The following ZFYVE26 variants were observed in gnomAD, a reference collection of about 807,000 sequenced individuals.
ZFYVE26 encodes the protein zinc finger FYVE-type containing 26.
In ZFYVE26, 181 loss-of-function variants were observed where a neutral mutation model predicts 276.5. The observed-to-expected ratio is 0.65, with a 90% CI of 0.58 to 0.74. The LOEUF (loss-of-function observed/expected upper bound fraction) is 0.74. Ranked by LOEUF, ZFYVE26 falls within the 30% of genes least tolerant of loss-of-function variation. ZFYVE26 has a pLI of 0.00. For synonymous variants in ZFYVE26, 1,129 were observed against 1,203.1 expected (o/e 0.94, Z 1.27); for missense variants, 2,821 against 3,097.9 (o/e 0.91, Z 2.12).
At chr14:67,734,705 A>G (rs1015307517) in intron 13 of ZFYVE26, among the ~76,000 whole-genome samples, 9 of 152,298 alleles carry the variant, frequency 5.9e-5, no homozygotes, top group African/African-American at 2.2e-4. Context: ...AGAATCTGGC[A>G]CCCAAAAGGA....
chr14:67,773,995 G>T (rs1482803186), intron 27 of ZFYVE26, among the ~76,000 whole-genome samples: 1 of 152,140 alleles, frequency 6.6e-6, no homozygotes, highest in African/African-American at 2.4e-5. Context: ...CTTGTGCTTT[G>T]TGTGTGACAG....
chr14:67,762,333 G>T lies in ZFYVE26; in HGVS notation c.6239C>A (p.Thr2080Asn). The T allele has an allele frequency of 6.2e-7, 1 of 1,614,226 alleles. No individual in the cohort carries two copies. The highest frequency in any genetic ancestry group is 8.5e-7 in the Non-Finnish European group (1 of 1,180,044). ...GMACLKAGNLTAAREKFSRCL... is the reference protein window; with the variant it reads ...GMACLKAGNLNAAREKFSRCL... ...GCGACTGAACTTCTCCCGTGCAGCA[G>T]TGAGGTTCCCGGCTTTGAGGCAGGC... The change falls in exon 34 of 42, where the codon ACT becomes AAT. Residue 2080 changes from threonine (T) to asparagine (N), a missense_variant. Thr to Asn is a moderately conservative substitution (Grantham distance 65). Transcript: ENST00000347230.
intron 34 of ZFYVE26, 46 bp from the exon 35 acceptor site, chr14:67,761,630 C>A: frequency 6.5e-7 from 1 of 1,546,178 alleles, no homozygotes; most frequent in Non-Finnish European, 8.9e-7. Context: ...TCAAAAAGTT[C>A]TCAGCAGGCA....
chr14:67,786,852 C>A (rs910708578), intron 16 of ZFYVE26, among the ~76,000 whole-genome samples: 5 of 152,148 alleles, frequency 3.3e-5, no homozygotes, highest in African/African-American at 1.2e-4. Context: ...GAGTACTATA[C>A]AGTTATGGAA....
intron 3 of ZFYVE26, among the ~76,000 whole-genome samples, chr14:67,810,334 C>G (rs193026321): frequency 6.6e-6 from 1 of 152,268 alleles, no homozygotes; most frequent in East Asian, 1.9e-4. Context: ...TTGTCATTCA[C>G]TATCCTTTGC....
At chr14:67,733,341 G>C (rs1396824520) in intron 13 of ZFYVE26, among the ~76,000 whole-genome samples, 1 of 152,166 alleles carries the variant, frequency 6.6e-6, no homozygotes, top group Admixed American at 6.5e-5. Flanking sequence ...CTCCAACTGA[G>C]ATTTGGCATT....
chr14:67,772,227 G>C lies in ZFYVE26; in HGVS notation c.5321-17C>G. The C allele has an allele frequency of 1.2e-6, 2 of 1,611,138 alleles. No homozygotes were observed. The highest frequency in any genetic ancestry group is 1.7e-6 in the Non-Finnish European group (2 of 1,178,854). On this transcript the variant is annotated splice_polypyrimidine_tract_variant and intron_variant, in intron 27 of 41. Transcript: ENST00000347230. ...TGGAGATACCTGGGAGGCAGAGCCAGAGGTCAGAGTAAAAGGTAATCAATA... is the reference window on the plus strand; with the variant it reads ...TGGAGATACCTGGGAGGCAGAGCCACAGGTCAGAGTAAAAGGTAATCAATA...
chr14:67,747,075 A>G lies in ZFYVE26; in HGVS notation c.*1361T>C, dbSNP rs1044126. 0.43 allele frequency: 66,162 copies of G among 152,528 alleles called. 17,096 individuals carry two copies. Among genetic ancestry groups the G allele is most frequent in the Non-Finnish European group, 0.6 (40,538 of 67,972 alleles). The allele number at this position is 152,528 out of a possible 1,614,324, so 9.4% of individuals were successfully genotyped here. ...GCTTCCAGTTTCTGTTTGTCTCAGC[A>G]TCATGGATGGGACCAATAGGCTGAG... On this transcript the variant is annotated 3_prime_UTR_variant, in exon 42 of 42. Transcript: ENST00000347230.
intron 12 of ZFYVE26, chr14:67,797,386 C>A: frequency 2.2e-6 from 1 of 451,870 alleles, no homozygotes; most frequent in Admixed American, 3.4e-5. Flanking sequence ...TAGTATAATA[C>A]ATCTGTATAT....
Position 67,805,509 on chromosome 14 carries a change from T to C in ZFYVE26, c.1127A>G (p.His376Arg), listed in dbSNP as rs370710980. The C allele has an allele frequency of 1.2e-6, 2 of 1,614,032 alleles. No individual in the cohort carries two copies. Among genetic ancestry groups the C allele is most frequent in the Non-Finnish European group, 1.7e-6 (2 of 1,180,030 alleles). ...SCLLVLLGWTHCQSLESAKRL... is the reference protein window; with the variant it reads ...SCLLVLLGWTRCQSLESAKRL... ...CTTGGCTGACTCTAGGCTCTGGCAG[T>C]GTGTCCAGCCCAGGAGTACAAGCAG... The change falls in exon 7 of 42, where the codon CAC becomes CGC. Residue 376 changes from histidine to arginine, a missense_variant. Physicochemically the swap from His to Arg is conservative, Grantham distance 29. Coordinates refer to ENST00000347230, the MANE Select transcript of ZFYVE26 (RefSeq NM_015346.4).
chr14:67,784,445 G>A lies in ZFYVE26; in HGVS notation c.3524-9C>T, dbSNP rs1339739644. 6.2e-7 allele frequency: 1 copy of A among 1,611,080 alleles called. No homozygotes were observed. Among genetic ancestry groups the A allele is most frequent in the Non-Finnish European group, 8.5e-7 (1 of 1,177,352 alleles). On this transcript the variant is annotated splice_polypyrimidine_tract_variant and intron_variant, in intron 19 of 41. Transcript: ENST00000347230. ...CTTGACCTCCACATGATCTGCAAAG[G>A]TAAAGAACATGATCTTTGTTTGCAC...
At chr14:67,792,428 T>C (rs1358041988) in intron 14 of ZFYVE26, among the ~76,000 whole-genome samples, 1 of 152,192 alleles carries the variant, frequency 6.6e-6, no homozygotes, top group Non-Finnish European at 1.5e-5. Flanking sequence ...GGCTAGAACA[T>C]AATCCTCTTA....
downstream of ZFYVE26, among the ~76,000 whole-genome samples, chr14:67,742,838 CTTTTTTTTT>C (rs71446342): frequency 1.1e-5 from 1 of 89,768 alleles, no homozygotes; most frequent in African/African-American, 5.6e-5. Flanking sequence ...TCTTCTTCTT[CTTTTTTTTT>C]TTTTTTTTTT....
chr14:67,732,112 A>AG (rs1202445767), intron 13 of ZFYVE26, among the ~76,000 whole-genome samples: 2 of 133,614 alleles, frequency 1.5e-5, no homozygotes, highest in Non-Finnish European at 1.6e-5. Flanking sequence ...GGGCGACAGA[A>AG]TGAGACTCTG....
chr14:67,805,745 T>C, intron 6 of ZFYVE26, 127 bp from the exon 7 acceptor site: 3 of 1,176,574 alleles, frequency 2.5e-6, no homozygotes, highest in South Asian at 2.6e-5. Flanking sequence ...ACAGGAGTGG[T>C]TGGCTGGGCG....
At chr14:67,734,760 G>C (rs1276874849) in intron 13 of ZFYVE26, among the ~76,000 whole-genome samples, 2 of 152,194 alleles carry the variant, frequency 1.3e-5, no homozygotes, top group African/African-American at 4.8e-5. Context: ...GGAAATTTGA[G>C]TGCTGACGGA....
chr14:67,750,437 G>A (rs1472261260), intron 41 of ZFYVE26: 1 of 157,428 alleles, frequency 6.4e-6, no homozygotes, highest in South Asian at 1.9e-4. Flanking sequence ...CCTTCCTGCA[G>A]ATGGCAGAAG....
intron 21 of ZFYVE26, 34 bp from the exon 22 acceptor site, chr14:67,781,563 G>C: frequency 6.2e-7 from 1 of 1,606,410 alleles, no homozygotes; most frequent in Admixed American, 1.7e-5. Flanking sequence ...GAGGCAGCAA[G>C]CGTGGGACCA....
At chr14:67,742,720 T>G (rs2140170857), downstream of ZFYVE26, among the ~76,000 whole-genome samples, 1 of 152,164 alleles carries the variant, frequency 6.6e-6, no homozygotes, top group South Asian at 2.1e-4. Context: ...CATAGCTTGA[T>G]GCATGGCAGG....
Sources: gnomAD v4.1 joint callset for allele counts (sites outside exome capture counted in the v4.1 genomes callset) on GRCh38, gnomAD v4.1.1 for gene constraint, MANE v1.5 for transcripts, NCBI Gene and HGNC (gene_info 2026-07-23, HGNC 2026-07-21) for gene names.